CDH11: variants seen among roughly 807,000 people sequenced by gnomAD.
The protein encoded by CDH11 is cadherin-11.
CDH11 carries 11 observed loss-of-function variants against 67.8 expected under a neutral mutation model. The observed-to-expected ratio is 0.16, with a 90% CI of 0.10 to 0.27. The LOEUF is 0.27. Among genes scored for constraint, CDH11 ranks in the 10% least tolerant of loss-of-function variants. The pLI, the probability that CDH11 is intolerant of heterozygous loss-of-function variation, is 1.00. For synonymous variants in CDH11, 419 were observed against 400.0 expected, an observed-to-expected ratio of 1.05 and a Z score of -0.57; for missense variants, 847 against 1,031.2, an observed-to-expected ratio of 0.82 and a Z score of 2.45.
At chr16:64,952,433 G>A (rs2071386522) in intron 11 of CDH11, among the ~76,000 whole-genome samples, 1 of 152,106 alleles carries the variant, frequency 6.6e-6, no homozygotes, top group Non-Finnish European at 1.5e-5. Flanking sequence ...TTGAACAAAT[G>A]GCATAACTGT....
intron 10 of CDH11, 56 bp from the exon 11 acceptor site, chr16:64,971,752 T>A: frequency 7.0e-7 from 1 of 1,432,556 alleles, no homozygotes; most frequent in Non-Finnish European, 9.8e-7. Flanking sequence ...ACATCATTTA[T>A]TCAAAAATTT....
intron 2 of CDH11, among the ~76,000 whole-genome samples, chr16:65,048,318 C>T (rs541322154): frequency 4.6e-5 from 7 of 152,294 alleles, no homozygotes; most frequent in East Asian, 3.9e-4. Flanking sequence ...ACACAACCTT[C>T]GTGAAAACAG....
chr16:64,984,051 C>T (rs564135338), intron 7 of CDH11, among the ~76,000 whole-genome samples: 1 of 152,278 alleles, frequency 6.6e-6, no homozygotes, highest in South Asian at 2.1e-4. Context: ...CCAAGCTAGG[C>T]TCTCCAGGCC....
At chr16:65,036,193 T>C (rs564003509) in intron 2 of CDH11, among the ~76,000 whole-genome samples, 1 of 152,230 alleles carries the variant, frequency 6.6e-6, no homozygotes, top group Non-Finnish European at 1.5e-5. Flanking sequence ...CTCAAGGTCA[T>C]ATGACTACTG....
At chr16:65,120,368 A>G (rs1228623447) in intron 1 of CDH11, among the ~76,000 whole-genome samples, 1 of 152,142 alleles carries the variant, frequency 6.6e-6, no homozygotes, top group Non-Finnish European at 1.5e-5. Flanking sequence ...TGCAAGCCCA[A>G]GTGATGAGGA....
intron 2 of CDH11, 87 bp downstream of exon 2, chr16:65,053,717 C>T: frequency 2.3e-6 from 1 of 433,712 alleles, no homozygotes; most frequent in South Asian, 1.6e-5. Context: ...AATCAAGCCA[C>T]ATTTGAGACA....
intron 1 of CDH11, among the ~76,000 whole-genome samples, chr16:65,092,467 A>G (rs2074808228): frequency 6.6e-6 from 1 of 152,178 alleles, no homozygotes; most frequent in Non-Finnish European, 1.5e-5. Flanking sequence ...AGAAACCTCT[A>G]TTCTTGGCTG....
At chr16:65,089,061 T>C (rs920222979) in intron 1 of CDH11, among the ~76,000 whole-genome samples, 9 of 152,232 alleles carry the variant, frequency 5.9e-5, no homozygotes, top group African/African-American at 1.2e-4. Flanking sequence ...TTCTTCCTTC[T>C]TGTTTAGTTG....
At chr16:64,971,745 T>A (rs753957048) in intron 10 of CDH11, 49 bp from the exon 11 acceptor site, 1 of 1,443,202 alleles carries the variant, frequency 6.9e-7, no homozygotes, top group East Asian at 2.3e-5. Context: ...CATTGGCACA[T>A]CATTTATTCA....
intron 7 of CDH11, among the ~76,000 whole-genome samples, chr16:64,984,148 GTCC>G (rs942970865): frequency 1.3e-5 from 2 of 152,166 alleles, no homozygotes; most frequent in African/African-American, 4.8e-5. Flanking sequence ...GCCTTGTGAA[GTCC>G]TCCTCAACAG....
chr16:65,056,808 C>T (rs2074151689), intron 1 of CDH11, among the ~76,000 whole-genome samples: 1 of 152,168 alleles, frequency 6.6e-6, no homozygotes, highest in African/African-American at 2.4e-5. Flanking sequence ...GTTGACTTCT[C>T]AAATCTGTAA....
intron 11 of CDH11, among the ~76,000 whole-genome samples, chr16:64,957,653 T>C (rs907442455): frequency 2.4e-4 from 37 of 151,236 alleles, no homozygotes; most frequent in Admixed American, 1.8e-3. Context: ...TATATATATA[T>C]ACATATATAT....
rs1238273498 is a variant in CDH11, at chr16:65,004,980, G to T, written c.-111C>A. On this transcript the variant is annotated 5_prime_UTR_variant, in exon 3 of 13. Coordinates refer to ENST00000268603, the MANE Select transcript of CDH11 (RefSeq NM_001797.4). ...GACGCGTCACGCAGACCTCTCTTGG[G>T]ATGGAATGTCTCTGCTGGTTGAGCT... The T allele has an allele frequency of 7.7e-6, 11 of 1,425,962 alleles. No homozygotes were observed. The South Asian group carries it at 1.5e-4, about 20-fold the overall frequency. The allele number at this position is 1,425,962 out of a possible 1,614,324, so 88.3% of individuals were successfully genotyped here. A position where few individuals can be genotyped will look rare whatever the true frequency, so the allele number is the denominator to read the frequency against.
intron 1 of CDH11, among the ~76,000 whole-genome samples, chr16:65,097,935 C>A (rs1389400985): frequency 1.3e-5 from 2 of 152,116 alleles, no homozygotes; most frequent in Non-Finnish European, 2.9e-5. Flanking sequence ...TAATGACAAT[C>A]TAACCAGAAA....
intron 2 of CDH11, among the ~76,000 whole-genome samples, chr16:65,028,741 T>C (rs1333837385): frequency 6.6e-6 from 1 of 152,188 alleles, no homozygotes; most frequent in Non-Finnish European, 1.5e-5. Context: ...CCCTCCATGC[T>C]TGGGTAGCCA....
rs767812673 is a variant in CDH11 at position 64,988,342 on chromosome 16, C to T, written c.814G>A (p.Val272Ile). The T allele has an allele frequency of 2.6e-5, 42 of 1,602,480 alleles. No homozygotes were observed. In the Middle Eastern group the frequency reaches 5.0e-4, roughly 19 times the overall value. Reference sequence around the variant, plus strand: ...GCTTCTGACACAGACATCTGGTATACGCCTAGAAGAAGAAGACATCTATTT... The same window carrying T: ...GCTTCTGACACAGACATCTGGTATATGCCTAGAAGAAGAAGACATCTATTT... ...NDNPPKFPQS[V>I]YQMSVSEAAV... Residue 272 changes from valine (V) to isoleucine (I), a missense_variant and splice_region_variant, in exon 7 of 13, where the codon GTA becomes ATA. This residue lies in a region of CDH11 where 612 missense variants were observed against 678.7 expected (regional missense o/e 0.90). Transcript: ENST00000268603.
chr16:64,949,614 C>T (rs576162740), intron 12 of CDH11, among the ~76,000 whole-genome samples: 17 of 151,906 alleles, frequency 1.1e-4, no homozygotes, highest in South Asian at 4.2e-4. Flanking sequence ...TTAGTAGAGA[C>T]GGGGTTTCTC....
At chr16:65,037,596 T>C (rs1372118866) in intron 2 of CDH11, among the ~76,000 whole-genome samples, 5 of 152,144 alleles carry the variant, frequency 3.3e-5, no homozygotes, top group Non-Finnish European at 7.4e-5. Context: ...ATGATTGTAA[T>C]AACCACCCTC....
At chr16:65,120,704 T>C (rs538800523) in intron 1 of CDH11, among the ~76,000 whole-genome samples, 27 of 152,282 alleles carry the variant, frequency 1.8e-4, no homozygotes, top group Non-Finnish European at 3.5e-4. Flanking sequence ...CCTACTGCAT[T>C]ATCAGCAAAA....
Sources: allele counts gnomAD v4.1 joint callset (sites outside exome capture counted in the v4.1 genomes callset), GRCh38; gene constraint gnomAD v4.1.1; regional missense constraint gnomAD v4.1.1; transcripts MANE v1.5; gene names NCBI Gene and HGNC (gene_info 2026-07-23, HGNC 2026-07-21).